FRMPD1: variants seen among roughly 807,000 people sequenced by gnomAD.
FRMPD1 encodes the protein FERM and PDZ domain containing 1.
FRMPD1 carries 76 observed loss-of-function variants against 117.8 expected under a neutral mutation model. That is an observed-to-expected ratio of 0.65 (90% confidence interval 0.54 to 0.78). The LOEUF (loss-of-function observed/expected upper bound fraction) is 0.78, where lower values mean the gene tolerates loss of function less well. Among genes scored for constraint, FRMPD1 ranks in the 30% least tolerant of loss-of-function variants. The pLI is 0.00. For synonymous variants in FRMPD1, 783 were observed against 770.4 expected, an observed-to-expected ratio of 1.02 and a Z score of -0.27; for missense variants, 1,786 against 1,964.5, an observed-to-expected ratio of 0.91 and a Z score of 1.72.
At chr9:37,730,584 C>A (rs1023350964) in intron 8 of FRMPD1, among the ~76,000 whole-genome samples, 4 of 152,134 alleles carry the variant, frequency 2.6e-5, no homozygotes, top group Admixed American at 2.0e-4. Flanking sequence ...CATTAAATCC[C>A]TAAGATAGTT....
At chr9:37,705,643 C>T (rs1822675928) in intron 2 of FRMPD1, among the ~76,000 whole-genome samples, 1 of 151,660 alleles carries the variant, frequency 6.6e-6, no homozygotes, top group Non-Finnish European at 1.5e-5. Flanking sequence ...TTATTTATTG[C>T]ATTTAGAAAA....
At chr9:37,741,016 T>A in intron 15 of FRMPD1, 132 bp downstream of exon 15, 1 of 698,436 alleles carries the variant, frequency 1.4e-6, no homozygotes, top group Non-Finnish European at 2.5e-6. Flanking sequence ...TCTGAGGAGG[T>A]AGATACAGAT....
chr9:37,695,005 GAATAGATAGATAGATAGATAGATAGATA>G (rs1822270322), intron 2 of FRMPD1, among the ~76,000 whole-genome samples: 1 of 140,784 alleles, frequency 7.1e-6, no homozygotes, highest in Non-Finnish European at 1.5e-5. Context: ...AGCCAAATAA[GAATAGATAGATAGATAGATAGATAGATA>G]GATAGATAGA....
the FRMPD1 span, among the ~76,000 whole-genome samples, chr9:37,624,653 T>C: frequency 3.9e-5 from 6 of 152,180 alleles, no homozygotes; most frequent in African/African-American, 1.4e-4. Context: ...CTATGACAAC[T>C]CTCTATGATT....
Position 37,707,580 on chromosome 9 carries a change from G to A in FRMPD1, c.259+7G>A. On this transcript the variant is annotated splice_region_variant and intron_variant, in intron 3 of 15. Transcript: ENST00000377765. Reference sequence around the variant, plus strand: ...GTGGTGGCTGTCACAGCAGGTAGGGGATGACTGGGAAATGAGAAAGGAGTT... The same window carrying A: ...GTGGTGGCTGTCACAGCAGGTAGGGAATGACTGGGAAATGAGAAAGGAGTT... 6.2e-7 allele frequency: 1 copy of A among 1,611,414 alleles called. No homozygotes were observed. The highest frequency in any genetic ancestry group is 8.5e-7 in the Non-Finnish European group (1 of 1,178,122).
intron 1 of FRMPD1, among the ~76,000 whole-genome samples, chr9:37,662,741 C>A (rs968695138): frequency 6.6e-6 from 1 of 152,028 alleles, no homozygotes; most frequent in Non-Finnish European, 1.5e-5. Flanking sequence ...ATGTGAGGGA[C>A]CTTCTTTCCT....
chr9:37,609,126 A>G, the FRMPD1 span, among the ~76,000 whole-genome samples: 3 of 152,200 alleles, frequency 2.0e-5, no homozygotes, highest in African/African-American at 7.2e-5. Flanking sequence ...CCCCGTCTCT[A>G]CTAAAAATAC....
chr9:37,693,855 G>A (rs997067374), intron 2 of FRMPD1, among the ~76,000 whole-genome samples: 6 of 152,110 alleles, frequency 3.9e-5, no homozygotes, highest in South Asian at 2.1e-4. Flanking sequence ...AGAACCCCCC[G>A]CAGCTTAAGG....
chr9:37,635,124 G>A, the FRMPD1 span, among the ~76,000 whole-genome samples: 8 of 152,290 alleles, frequency 5.3e-5, no homozygotes, highest in East Asian at 1.5e-3. Context: ...CATTATGACA[G>A]TGGAGAAATG....
chr9:37,652,472 C>T (rs1466636585), intron 1 of FRMPD1, among the ~76,000 whole-genome samples: 1 of 152,154 alleles, frequency 6.6e-6, no homozygotes, highest in Non-Finnish European at 1.5e-5. Flanking sequence ...GTGGGTGAAA[C>T]GCATTACCAC....
intron 1 of FRMPD1, among the ~76,000 whole-genome samples, chr9:37,678,559 C>T (rs1198656979): frequency 3.3e-5 from 5 of 151,822 alleles, no homozygotes; most frequent in Non-Finnish European, 5.9e-5. Context: ...CCACACCCGG[C>T]GTACTTACCA....
chr9:37,745,204 T>A lies in FRMPD1; in HGVS notation c.3172T>A (p.Ser1058Thr), dbSNP rs1324794832. 5.0e-6 allele frequency: 8 copies of A among 1,613,782 alleles called. No homozygotes were observed. Among genetic ancestry groups the A allele is most frequent in the Non-Finnish European group, 6.8e-6 (8 of 1,179,788 alleles). The change falls in exon 16 of 16, where the codon TCT becomes ACT. Residue 1058 changes from serine to threonine, a missense_variant. Coordinates refer to ENST00000377765, the MANE Select transcript of FRMPD1 (RefSeq NM_014907.3). ...TGTCCAGTTGGAAATGGGATTGGAA[T>A]CTTTTTGTACAAATCATATACAAGA... The part of the protein sequence containing the change: ...PHVQLEMGLE[S>T]FCTNHIQETA...
chr9:37,703,662 C>T (rs1227685245), intron 2 of FRMPD1, among the ~76,000 whole-genome samples: 1 of 152,158 alleles, frequency 6.6e-6, no homozygotes, highest in Non-Finnish European at 1.5e-5. Context: ...CAAAGGAAAC[C>T]TATACCTATT....
rs1214579315 is a variant in FRMPD1 at position 37,737,242 on chromosome 9, A to C, written c.1548A>C (p.Glu516Asp). 5.0e-6 allele frequency: 8 copies of C among 1,614,102 alleles called. No individual in the cohort carries two copies. The highest frequency in any genetic ancestry group is 5.1e-6 in the Non-Finnish European group (6 of 1,179,998). ...KQQAHRVSAE[E>D]GYESRACSDS... Reference sequence around the variant, plus strand: ...AAGCGCACCGGGTATCTGCAGAAGAAGGTGAGGCACTGAGTCTTGCCCCAA... The same window carrying C: ...AAGCGCACCGGGTATCTGCAGAAGACGGTGAGGCACTGAGTCTTGCCCCAA... The change falls in exon 14 of 16, where the codon GAA (glutamate) becomes GAC (aspartate). Residue 516 changes from glutamate (E) to aspartate (D), a missense_variant and splice_region_variant. Physicochemically the swap from Glu to Asp is conservative, Grantham distance 45. Coordinates refer to ENST00000377765, the MANE Select transcript of FRMPD1 (RefSeq NM_014907.3).
intron 4 of FRMPD1, among the ~76,000 whole-genome samples, chr9:37,711,107 C>G (rs538778203): frequency 6.6e-6 from 1 of 152,042 alleles, no homozygotes; most frequent in Non-Finnish European, 1.5e-5. Flanking sequence ...GGTGAACTTA[C>G]GAAAATTCCC....
upstream of FRMPD1, among the ~76,000 whole-genome samples, chr9:37,648,655 T>G (rs1820575581): frequency 6.6e-6 from 1 of 152,102 alleles, no homozygotes; most frequent in South Asian, 2.1e-4. Flanking sequence ...TTGGACTTAG[T>G]GTCCAGTAGA....
chr9:37,723,996 CAAAAAAAAT>C (rs1279675352), intron 6 of FRMPD1, among the ~76,000 whole-genome samples: 1 of 147,382 alleles, frequency 6.8e-6, no homozygotes, highest in Non-Finnish European at 1.5e-5. Context: ...GAGACTCTGT[CAAAAAAAAT>C]AAAAAAAATA....
At chr9:37,685,454 T>C (rs532415251) in intron 1 of FRMPD1, among the ~76,000 whole-genome samples, 147 of 151,176 alleles carry the variant, frequency 9.7e-4, no homozygotes, top group South Asian at 1.5e-3. Flanking sequence ...CTATCCTGGC[T>C]AACACGGTGA....
intron 1 of FRMPD1, among the ~76,000 whole-genome samples, chr9:37,686,436 C>T (rs1399898372): frequency 1.3e-5 from 2 of 152,228 alleles, no homozygotes; most frequent in Non-Finnish European, 2.9e-5. Flanking sequence ...AAGATTCAAA[C>T]GTTTTGGATG....
Sources: allele counts gnomAD v4.1 joint callset (sites outside exome capture counted in the v4.1 genomes callset), GRCh38; gene constraint gnomAD v4.1.1; transcripts MANE v1.5; gene names NCBI Gene and HGNC (gene_info 2026-07-23, HGNC 2026-07-21).